The following ZNF184 variants were observed in gnomAD, a reference collection of about 807,000 sequenced individuals.
The protein encoded by ZNF184 is zinc finger protein 184 (Kruppel-like).
A neutral mutation model predicts 54.4 loss-of-function variants in ZNF184; 16 were observed. The observed-to-expected ratio is 0.29, with a 90% CI of 0.20 to 0.45. ZNF184 has a LOEUF of 0.45. ZNF184 is among the 20% of genes least tolerant of loss of function. The pLI is 1.00. For missense variants in ZNF184, 681 were observed against 888.2 expected (o/e 0.77, Z 2.97); for synonymous variants, 254 against 295.3 (o/e 0.86, Z 1.43).
At chr6:27,442,825 AG>A in the ZNF184 span, among the ~76,000 whole-genome samples, 2 of 34,148 alleles carry the variant, frequency 5.9e-5, no homozygotes, top group African/African-American at 4.7e-4. Flanking sequence ...AAAGAAAGAA[AG>A]AAAGAAAGAA....
the ZNF184 span, among the ~76,000 whole-genome samples, chr6:27,423,027 C>T: frequency 6.6e-6 from 1 of 152,244 alleles, no homozygotes; most frequent in Non-Finnish European, 1.5e-5. Context: ...TGAAAAGAGG[C>T]TGAACTTCGG....
chr6:27,415,960 G>C, the ZNF184 span, among the ~76,000 whole-genome samples: 2 of 152,188 alleles, frequency 1.3e-5, no homozygotes, highest in African/African-American at 2.4e-5. Flanking sequence ...GGCTCTGAGG[G>C]AGAATCTGTT....
the ZNF184 span, among the ~76,000 whole-genome samples, chr6:27,426,139 A>C: frequency 6.6e-6 from 1 of 152,232 alleles, no homozygotes; most frequent in Non-Finnish European, 1.5e-5. This position sits in a 1 kb window ranked among gnomAD's most constrained non-coding sequence, Gnocchi z 4.2. Context: ...TACATCTAGC[A>C]TACCTCTGTC....
chr6:27,413,834 G>A, the ZNF184 span, among the ~76,000 whole-genome samples: 1 of 152,204 alleles, frequency 6.6e-6, no homozygotes, highest in Non-Finnish European at 1.5e-5. Flanking sequence ...TCCATGCTAA[G>A]TTTAGGGTTT....
At chr6:27,457,004 A>C in intron 4 of ZNF184, 83 bp from the exon 5 acceptor site, 1 of 1,297,144 alleles carries the variant, frequency 7.7e-7, no homozygotes, top group South Asian at 1.3e-5. Flanking sequence ...TTGTCTTTAG[A>C]AGAAATGATA....
the ZNF184 span, among the ~76,000 whole-genome samples, chr6:27,425,312 G>C: frequency 6.6e-6 from 1 of 152,250 alleles, no homozygotes; most frequent in South Asian, 2.1e-4. Flanking sequence ...CCCAAGTGCC[G>C]CCAAAGTGGG....
the ZNF184 span, among the ~76,000 whole-genome samples, chr6:27,427,332 T>C: frequency 6.6e-6 from 1 of 152,172 alleles, no homozygotes; most frequent in Non-Finnish European, 1.5e-5. Context: ...AAACTTAACT[T>C]TTCTGAGAAC....
the ZNF184 span, among the ~76,000 whole-genome samples, chr6:27,422,240 A>C: frequency 7.6e-5 from 11 of 145,660 alleles, 1 homozygote; most frequent in South Asian, 4.5e-4. Context: ...TTCAGAGACC[A>C]CACTGGCACA....
chr6:27,410,475 T>C, the ZNF184 span, among the ~76,000 whole-genome samples: 2 of 152,230 alleles, frequency 1.3e-5, no homozygotes, highest in South Asian at 2.1e-4. Context: ...AGCTACATGA[T>C]GGCAGCCTTT....
chr6:27,422,216 GAAAA>G, the ZNF184 span, among the ~76,000 whole-genome samples: 2 of 123,260 alleles, frequency 1.6e-5, no homozygotes. Context: ...AAGAAAGAAA[GAAAA>G]GAAAAGAAAT....
chr6:27,463,981 T>C, intron 3 of ZNF184, among the ~76,000 whole-genome samples: 1 of 151,820 alleles, frequency 6.6e-6, no homozygotes, highest in East Asian at 1.9e-4. Context: ...TTGGCGCTAT[T>C]GATATTTTGG....
chr6:27,434,165 T>G, the ZNF184 span, among the ~76,000 whole-genome samples: 1 of 152,124 alleles, frequency 6.6e-6, no homozygotes, highest in African/African-American at 2.4e-5. Context: ...AGACTACATT[T>G]GCTTTCAATT....
intron 5 of ZNF184, among the ~76,000 whole-genome samples, chr6:27,455,900 T>C (rs999678048): frequency 1.3e-5 from 2 of 152,172 alleles, no homozygotes; most frequent in Non-Finnish European, 2.9e-5. Flanking sequence ...CTTCATGCAG[T>C]TTGGAAACTG....
At position 27,472,221 on chromosome 6, in the gene ZNF184, T is replaced by G. The variant is rs377188727; in HGVS notation, c.7+67A>C. The stretch of plus-strand genomic sequence containing the variant: ...ATCTCCTGCTCTGATCTCAAGTATT[T>G]GATACTCCAGTCATGACTGTTCTCA... On this transcript the variant is annotated intron_variant, in intron 2 of 5. Coordinates refer to ENST00000683788, the MANE Select transcript of ZNF184 (RefSeq NM_001318891.2). The surrounding 1 kb of genome is among the most constrained non-coding windows in gnomAD (Gnocchi z 4.8). The G allele has an allele frequency of 1.7e-4, 269 of 1,599,078 alleles. 3 individuals carry two copies. In the African/African-American group the frequency reaches 2.5e-3, roughly 15 times the overall value.
the ZNF184 span, among the ~76,000 whole-genome samples, chr6:27,441,147 G>C: frequency 3.3e-4 from 50 of 152,308 alleles, no homozygotes; most frequent in South Asian, 9.9e-3. Flanking sequence ...CATTACCTTT[G>C]GTGATTTACT....
chr6:27,410,240 A>C, the ZNF184 span, among the ~76,000 whole-genome samples: 62 of 152,338 alleles, frequency 4.1e-4, 2 homozygotes, highest in East Asian at 5.0e-3. Context: ...GAGGAAATTA[A>C]AATATACAGA....
At chr6:27,430,237 T>C in the ZNF184 span, among the ~76,000 whole-genome samples, 1 of 152,242 alleles carries the variant, frequency 6.6e-6, no homozygotes, top group East Asian at 1.9e-4. Flanking sequence ...TGCCTTTAAC[T>C]CAAAATAGTC....
the ZNF184 span, among the ~76,000 whole-genome samples, chr6:27,442,683 A>C: frequency 7.0e-6 from 1 of 141,952 alleles, no homozygotes; most frequent in Non-Finnish European, 1.5e-5. Flanking sequence ...GAGAGAAAGA[A>C]AGAAAGAGAG....
At chr6:27,427,130 A>C in the ZNF184 span, among the ~76,000 whole-genome samples, 1 of 151,806 alleles carries the variant, frequency 6.6e-6, no homozygotes, top group African/African-American at 2.4e-5. Flanking sequence ...AAAAAAAAAA[A>C]AAAAAACAAT....
Sources: gnomAD v4.1 joint callset for allele counts (sites outside exome capture counted in the v4.1 genomes callset) on GRCh38, gnomAD v4.1.1 for gene constraint, Gnocchi (gnomAD v3.1) non-coding constraint, MANE v1.5 for transcripts, NCBI Gene and HGNC (gene_info 2026-07-23, HGNC 2026-07-21) for gene names.